HELLS: variants seen among roughly 807,000 people sequenced by gnomAD.
HELLS encodes lymphoid-specific helicase.
HELLS carries 32 observed loss-of-function variants against 120.0 expected under a neutral mutation model. The ratio of observed to expected loss-of-function variants is 0.27; its 90% confidence interval spans 0.20 to 0.36. The LOEUF (loss-of-function observed/expected upper bound fraction) is 0.36, where lower values mean the gene tolerates loss of function less well. HELLS is among the 10% of genes least tolerant of loss of function. HELLS has a pLI of 1.00. For synonymous variants in HELLS, 341 were observed against 323.4 expected, an observed-to-expected ratio of 1.05 and a Z score of -0.58; for missense variants, 650 against 993.4, an observed-to-expected ratio of 0.65 and a Z score of 4.65.
intron 9 of HELLS, among the ~76,000 whole-genome samples, chr10:94,576,367 A>T (rs1326888278): frequency 6.6e-6 from 1 of 151,902 alleles, no homozygotes; most frequent in African/African-American, 2.4e-5. Flanking sequence ...GCTCAGGTTG[A>T]TCTCGAACTA....
At chr10:94,552,271 A>C (rs988307497) in intron 2 of HELLS, among the ~76,000 whole-genome samples, 2 of 152,230 alleles carry the variant, frequency 1.3e-5, no homozygotes, top group Non-Finnish European at 2.9e-5. Context: ...CATATCTACT[A>C]TCTAATCTAT....
intron 4 of HELLS, among the ~76,000 whole-genome samples, chr10:94,559,729 C>G (rs1396029464): frequency 6.6e-6 from 1 of 151,554 alleles, no homozygotes. Context: ...CAGGCGAGAG[C>G]CACTGCACCC....
intron 2 of HELLS, among the ~76,000 whole-genome samples, chr10:94,547,191 T>A (rs999582723): frequency 1.3e-5 from 2 of 152,228 alleles, no homozygotes; most frequent in Non-Finnish European, 2.9e-5. Flanking sequence ...TTGATTCATA[T>A]GCAAGAAAAA....
rs1255073662 is a variant in HELLS at position 94,545,962 on chromosome 10, G to C, written c.31+10G>C. ...CCCGCGGGCAGCGGCGGTGAGTGAG[G>C]AAAACCTTTTGGGCGCGGGTGGCAG... is the stretch of plus-strand genomic sequence containing the variant. On this transcript the variant is annotated intron_variant, in intron 1 of 21. Coordinates refer to ENST00000348459, the MANE Select transcript of HELLS (RefSeq NM_018063.5). The C allele has an allele frequency of 8.4e-6, 13 of 1,556,208 alleles. No homozygotes were observed. In the South Asian group the frequency reaches 1.5e-4, roughly 18 times the overall value.
At chr10:94,568,737 A>C (rs956269031) in intron 6 of HELLS, among the ~76,000 whole-genome samples, 5 of 152,248 alleles carry the variant, frequency 3.3e-5, no homozygotes, top group African/African-American at 1.2e-4. Context: ...TGTCACACAG[A>C]TAATCACTAA....
downstream of HELLS, among the ~76,000 whole-genome samples, chr10:94,606,621 A>T (rs1427146762): frequency 6.6e-6 from 1 of 152,082 alleles, no homozygotes; most frequent in Non-Finnish European, 1.5e-5. Flanking sequence ...AAGCATTGGT[A>T]TTATATGTAT....
Position 94,597,067 on chromosome 10 carries a change from G to C in HELLS, c.2378G>C (p.Ser793Thr). Residue 793 changes from serine (S) to threonine (T), a missense_variant, in exon 21 of 22, where the codon AGT (serine) becomes ACT (threonine). Coordinates refer to ENST00000348459, the MANE Select transcript of HELLS (RefSeq NM_018063.5). ...EIKGSREKVI[S>T]DKDLELLLDR... is the part of the protein sequence containing the mutation. ...AAAGGATCAAGAGAGAAGGTCATTA[G>C]TGATAAAGATCTAGAGTTGTTGTTA... The C allele has an allele frequency of 6.3e-7, 1 of 1,599,316 alleles. No homozygotes were observed. Among genetic ancestry groups the C allele is most frequent in the East Asian group, 2.2e-5 (1 of 44,664 alleles).
At chr10:94,587,174 A>C (rs1845206520) in intron 12 of HELLS, among the ~76,000 whole-genome samples, 1 of 152,158 alleles carries the variant, frequency 6.6e-6, no homozygotes, top group African/African-American at 2.4e-5. Flanking sequence ...TATAGAAGGA[A>C]ACTTGTATGT....
At chr10:94,603,161 A>C (rs1267953631), downstream of HELLS, among the ~76,000 whole-genome samples, 7 of 152,170 alleles carry the variant, frequency 4.6e-5, no homozygotes, top group Non-Finnish European at 1.0e-4. Context: ...GCAATGTCTC[A>C]TTTCTTTTAT....
chr10:94,587,363 T>C (rs1183781903), intron 12 of HELLS, among the ~76,000 whole-genome samples: 2 of 152,170 alleles, frequency 1.3e-5, no homozygotes, highest in Non-Finnish European at 2.9e-5. Context: ...TCATGGAGAA[T>C]GGGGTATCCA....
At chr10:94,593,716 G>A (rs985268835) in intron 18 of HELLS, 101 bp downstream of exon 18, 4 of 693,350 alleles carry the variant, frequency 5.8e-6, no homozygotes, top group East Asian at 2.8e-5. Context: ...AGGCTGGAGT[G>A]CAGTGGCACG....
At chr10:94,583,134 T>G (rs886377715) in intron 12 of HELLS, 75 bp downstream of exon 12, 1 of 688,236 alleles carries the variant, frequency 1.5e-6, no homozygotes, top group African/African-American at 1.8e-5. Flanking sequence ...ATCACCTGTC[T>G]AACCCTTTGT....
At chr10:94,603,622 T>G (rs1330765462), downstream of HELLS, among the ~76,000 whole-genome samples, 2 of 152,248 alleles carry the variant, frequency 1.3e-5, no homozygotes, top group Non-Finnish European at 2.9e-5. Context: ...CATATCCGAC[T>G]GTTTACTAGG....
chr10:94,569,032 G>A (rs1262209134), intron 6 of HELLS, among the ~76,000 whole-genome samples: 1 of 151,976 alleles, frequency 6.6e-6, no homozygotes. Context: ...CAGAGATGGG[G>A]TTTCTCCATG....
chr10:94,596,705 T>C lies in HELLS; in HGVS notation c.2249-155T>C, dbSNP rs143135610. Among the ~76,000 whole-genome samples the C allele has an allele frequency of 1.2e-3, 178 of 152,340 alleles. No individual in the cohort carries two copies. In the Middle Eastern group the frequency reaches 0.017, roughly 15 times the overall value. ...AAGTGGACATATCATTTTCCAGTCC[T>C]ACCAGCGAAGCCTGAGAGCTTCATT... is the stretch of plus-strand genomic sequence containing the variant. On this transcript the variant is annotated intron_variant, in intron 19 of 21. Coordinates refer to ENST00000348459, the MANE Select transcript of HELLS (RefSeq NM_018063.5).
chr10:94,604,497 C>T (rs1231306301), downstream of HELLS, among the ~76,000 whole-genome samples: 1 of 142,016 alleles, frequency 7.0e-6, no homozygotes. Flanking sequence ...TTGATTTTCC[C>T]CTTAGTTTAG....
At chr10:94,605,332 C>T (rs191970256), downstream of HELLS, among the ~76,000 whole-genome samples, 1 of 152,254 alleles carries the variant, frequency 6.6e-6, no homozygotes, top group East Asian at 1.9e-4. Context: ...ATCCACCCTC[C>T]TCGGCCTCCC....
chr10:94,574,783 T>A (rs1564596139), intron 9 of HELLS, 47 bp downstream of exon 9: 1 of 1,434,912 alleles, frequency 7.0e-7, no homozygotes, highest in Non-Finnish European at 9.7e-7. Context: ...ACATGTTTTC[T>A]TATGCTTTGT....
intron 17 of HELLS, among the ~76,000 whole-genome samples, chr10:94,592,841 GAA>G (rs1384426496): frequency 7.3e-6 from 1 of 137,536 alleles, no homozygotes; most frequent in Non-Finnish European, 1.6e-5. Flanking sequence ...TGGCAAAGTT[GAA>G]AAAAAAAAAG....
Sources: gnomAD v4.1 joint callset for allele counts (sites outside exome capture counted in the v4.1 genomes callset) on GRCh38, gnomAD v4.1.1 for gene constraint, MANE v1.5 for transcripts, NCBI Gene and HGNC (gene_info 2026-07-23, HGNC 2026-07-21) for gene names.